SOX6: variants seen among roughly 807,000 people sequenced by gnomAD.
The protein encoded by SOX6 is SRY-box transcription factor 6.
In SOX6, 11 loss-of-function variants were observed where a neutral mutation model predicts 97.8. The observed-to-expected ratio is 0.11, with a 90% CI of 0.07 to 0.19. The LOEUF is 0.19. Ranked by LOEUF, SOX6 falls within the 10% of genes least tolerant of loss-of-function variation. SOX6 has a pLI of 1.00. For synonymous variants in SOX6, 360 were observed against 371.4 expected (o/e 0.97, Z 0.35); for missense variants, 810 against 1,039.5 (o/e 0.78, Z 3.04).
At chr11:16,279,612 A>T (rs1282430677) in intron 3 of SOX6, among the ~76,000 whole-genome samples, 1 of 151,550 alleles carries the variant, frequency 6.6e-6, no homozygotes, top group East Asian at 1.9e-4. Context: ...TGCCTTGGGA[A>T]CATCAGAGAA....
intron 4 of SOX6, among the ~76,000 whole-genome samples, chr11:16,225,569 T>C (rs1852663545): frequency 6.6e-6 from 1 of 151,584 alleles, no homozygotes; most frequent in South Asian, 2.1e-4. Context: ...GGCCTTATGA[T>C]AGAAATGAAC....
intron 13 of SOX6, among the ~76,000 whole-genome samples, chr11:15,992,513 A>T (rs1188931234): frequency 1.3e-5 from 2 of 152,150 alleles, no homozygotes; most frequent in Non-Finnish European, 1.5e-5. Flanking sequence ...TGACTATGCA[A>T]ATTATGCCCA....
chr11:16,335,690 C>T (rs965304602), intron 2 of SOX6, among the ~76,000 whole-genome samples: 1 of 152,096 alleles, frequency 6.6e-6, no homozygotes, highest in Non-Finnish European at 1.5e-5. Context: ...ACTAAAAATT[C>T]CTGGATTGTT....
chr11:16,375,853 TA>T (rs1171594320), intron 1 of SOX6, among the ~76,000 whole-genome samples: 1 of 151,894 alleles, frequency 6.6e-6, no homozygotes, highest in African/African-American at 2.4e-5. Context: ...TATGCAGCCA[TA>T]AAAAAGGATG....
intron 4 of SOX6, among the ~76,000 whole-genome samples, chr11:16,553,764 C>A (rs377062152): frequency 6.6e-6 from 1 of 151,952 alleles, no homozygotes; most frequent in Non-Finnish European, 1.5e-5. Flanking sequence ...AATAAAATGA[C>A]AAGAAATGCA....
chr11:16,017,507 C>T (rs1171758015), intron 12 of SOX6, among the ~76,000 whole-genome samples: 1 of 151,992 alleles, frequency 6.6e-6, no homozygotes. Flanking sequence ...ACCTAGTCTC[C>T]CAGAAGATTT....
intron 3 of SOX6, among the ~76,000 whole-genome samples, chr11:16,245,443 A>T (rs1041727858): frequency 2.0e-5 from 3 of 151,664 alleles, no homozygotes; most frequent in African/African-American, 7.2e-5. Context: ...AGTTAGGTTA[A>T]GTTGATAATT....
intron 1 of SOX6, among the ~76,000 whole-genome samples, chr11:16,389,526 A>C (rs910442842): frequency 2.6e-5 from 4 of 151,182 alleles, no homozygotes; most frequent in Non-Finnish European, 4.4e-5. Flanking sequence ...TTAATAATTT[A>C]TCTCTCTCTA....
intron 11 of SOX6, among the ~76,000 whole-genome samples, chr11:16,049,309 G>A (rs995873922): frequency 3.3e-5 from 5 of 152,128 alleles, no homozygotes; most frequent in African/African-American, 1.2e-4. Flanking sequence ...TTTCATATAT[G>A]TTCTTGAAGT....
intron 4 of SOX6, among the ~76,000 whole-genome samples, chr11:16,494,271 G>T (rs1860558441): frequency 6.6e-6 from 1 of 152,142 alleles, no homozygotes; most frequent in South Asian, 2.1e-4. Flanking sequence ...AGCTACTCAG[G>T]AGGCTGAGGC....
chr11:16,098,765 A>T (rs1590195122), intron 7 of SOX6, among the ~76,000 whole-genome samples: 1 of 151,836 alleles, frequency 6.6e-6, no homozygotes, highest in East Asian at 1.9e-4. Context: ...TTTTGCATGA[A>T]CTTTCCACAC....
intron 1 of SOX6, among the ~76,000 whole-genome samples, chr11:16,448,345 T>C (rs1590207902): frequency 6.6e-6 from 1 of 152,222 alleles, no homozygotes; most frequent in Non-Finnish European, 1.5e-5. Flanking sequence ...ATTTTACTCA[T>C]AACTCATCAA....
intron 12 of SOX6, among the ~76,000 whole-genome samples, chr11:16,037,019 T>C (rs1855537568): frequency 6.6e-6 from 1 of 152,186 alleles, no homozygotes; most frequent in Non-Finnish European, 1.5e-5. Flanking sequence ...TTTAAAAATA[T>C]AATTTGTCAC....
At chr11:16,066,621 T>G (rs994488490) in intron 9 of SOX6, among the ~76,000 whole-genome samples, 1 of 152,180 alleles carries the variant, frequency 6.6e-6, no homozygotes, top group African/African-American at 2.4e-5. Flanking sequence ...TGGAGGTCAT[T>G]ATGCCAAGGG....
intron 3 of SOX6, among the ~76,000 whole-genome samples, chr11:16,656,407 A>G (rs1176126391): frequency 6.6e-6 from 1 of 152,144 alleles, no homozygotes; most frequent in East Asian, 1.9e-4. Context: ...ACGTACCAGG[A>G]GAGTCTTTAT....
intron 6 of SOX6, among the ~76,000 whole-genome samples, chr11:16,176,074 T>TGGAA (rs1564999810): frequency 2.6e-5 from 1 of 39,192 alleles, no homozygotes; most frequent in Non-Finnish European, 5.3e-5. Context: ...GACGGACGGA[T>TGGAA]GGATGGATGG....
intron 3 of SOX6, among the ~76,000 whole-genome samples, chr11:16,256,879 T>A (rs1435735482): frequency 6.6e-6 from 1 of 151,776 alleles, no homozygotes; most frequent in East Asian, 1.9e-4. Context: ...AATACAAGGC[T>A]AATATACAAA....
chr11:16,687,158 T>C (rs1396876707), intron 3 of SOX6, among the ~76,000 whole-genome samples: 1 of 152,006 alleles, frequency 6.6e-6, no homozygotes, highest in Admixed American at 6.6e-5. Flanking sequence ...TGAGACTGAG[T>C]AATTTAAAAA....
intron 14 of SOX6, among the ~76,000 whole-genome samples, chr11:15,986,968 A>AGG (rs1853864828): frequency 6.6e-6 from 1 of 152,248 alleles, no homozygotes; most frequent in Admixed American, 6.5e-5. Context: ...CTAAGAAGTT[A>AGG]TAGCTTTAGA....
Sources: allele counts gnomAD v4.1 joint callset (sites outside exome capture counted in the v4.1 genomes callset), GRCh38; gene constraint gnomAD v4.1.1; transcripts MANE v1.5; gene names NCBI Gene and HGNC (gene_info 2026-07-23, HGNC 2026-07-21).